LEKR1: variants seen among roughly 807,000 people sequenced by gnomAD.
LEKR1 encodes the protein protein LEKR1.
LEKR1 carries 59 observed loss-of-function variants against 72.4 expected under a neutral mutation model. The ratio of observed to expected loss-of-function variants is 0.82; its 90% CI spans 0.66 to 1.01. The LOEUF is 1.01. LEKR1 is among the 50% of genes least tolerant of loss of function. LEKR1 has a pLI of 0.00. For synonymous variants in LEKR1, 257 were observed against 263.2 expected (o/e 0.98, Z 0.23); for missense variants, 728 against 759.2 (o/e 0.96, Z 0.48).
chr3:156,899,183 A>G (rs1721512880), intron 3 of LEKR1, among the ~76,000 whole-genome samples: 2 of 151,284 alleles, frequency 1.3e-5, no homozygotes, highest in Non-Finnish European at 2.9e-5. Flanking sequence ...AATTATCAGT[A>G]CAAATTCAAA....
chr3:157,028,441 G>C (rs762424600), intron 12 of LEKR1, 39 bp downstream of exon 12: 1 of 1,495,620 alleles, frequency 6.7e-7, no homozygotes, highest in East Asian at 2.3e-5. Context: ...ATTAATCAAA[G>C]AGCACATGTT....
chr3:156,893,536 T>A (rs1190575518), intron 3 of LEKR1, among the ~76,000 whole-genome samples: 2 of 152,000 alleles, frequency 1.3e-5, no homozygotes, highest in Non-Finnish European at 2.9e-5. Context: ...CCCTCATGAC[T>A]GAGTTGATTC....
chr3:156,877,315 A>C (rs892434881), intron 3 of LEKR1, among the ~76,000 whole-genome samples: 1 of 152,012 alleles, frequency 6.6e-6, no homozygotes, highest in Non-Finnish European at 1.5e-5. Context: ...TGGTTTTGGA[A>C]TTACGGAGAT....
At chr3:156,830,206 G>T (rs1334227199) in intron 2 of LEKR1, among the ~76,000 whole-genome samples, 1 of 152,172 alleles carries the variant, frequency 6.6e-6, no homozygotes, top group Non-Finnish European at 1.5e-5. Flanking sequence ...CAGGCATTGT[G>T]ATTATCTCCT....
chr3:156,921,867 G>T (rs1471618116), intron 4 of LEKR1, among the ~76,000 whole-genome samples: 1 of 152,074 alleles, frequency 6.6e-6, no homozygotes, highest in African/African-American at 2.4e-5. Flanking sequence ...TTTCATTTTT[G>T]CATGTTATCT....
intron 2 of LEKR1, among the ~76,000 whole-genome samples, chr3:156,845,197 T>C (rs1218692401): frequency 6.6e-6 from 1 of 152,022 alleles, no homozygotes; most frequent in Non-Finnish European, 1.5e-5. Flanking sequence ...ATTAGACTTT[T>C]TTTTTCTGCT....
intron 5 of LEKR1, among the ~76,000 whole-genome samples, chr3:156,936,666 A>G (rs1725746824): frequency 6.6e-6 from 1 of 152,204 alleles, no homozygotes; most frequent in African/African-American, 2.4e-5. Context: ...AATCTACATA[A>G]TTAGACCAGA....
At position 157,028,337 on chromosome 3, in the gene LEKR1, G is replaced by A. The variant is rs1434832652; in HGVS notation, c.1603G>A (p.Glu535Lys). 1 of 1,613,180 alleles carries A rather than the reference G, an allele frequency of 6.2e-7. No homozygotes were observed. Among genetic ancestry groups the A allele is most frequent in the East Asian group, 2.2e-5 (1 of 44,764 alleles). ...GAAGGAAATGGAACAGAAGTCGGAT[G>A]AACTGAAAAGAGTAATGCTGGCTCA... is the stretch of plus-strand genomic sequence containing the variant. The part of the protein sequence containing the change: ...LRKEMEQKSD[E>K]LKRVMLAQTQ... The change falls in exon 12 of 13, where the codon GAA becomes AAA. Residue 535 changes from glutamate (E) to lysine (K), a missense_variant. Transcript: ENST00000356539.
intron 5 of LEKR1, among the ~76,000 whole-genome samples, chr3:156,940,039 C>A (rs1252741689): frequency 1.3e-5 from 2 of 152,114 alleles, no homozygotes; most frequent in African/African-American, 4.8e-5. Context: ...AAAATGCCTG[C>A]CTCTGAAATG....
chr3:156,882,648 C>G (rs918374401), intron 3 of LEKR1, among the ~76,000 whole-genome samples: 1 of 152,212 alleles, frequency 6.6e-6, no homozygotes, highest in African/African-American at 2.4e-5. Context: ...CATCCCATTA[C>G]TGGGTATATA....
intron 3 of LEKR1, among the ~76,000 whole-genome samples, chr3:156,866,658 G>C (rs759265527): frequency 6.6e-6 from 1 of 151,902 alleles, no homozygotes; most frequent in Non-Finnish European, 1.5e-5. Flanking sequence ...TAACTTATTT[G>C]GTACCTATTG....
intron 2 of LEKR1, among the ~76,000 whole-genome samples, chr3:156,835,961 C>T (rs1343626551): frequency 1.4e-5 from 2 of 144,054 alleles, no homozygotes; most frequent in East Asian, 2.1e-4. Context: ...GCAACCTTCG[C>T]CTCCTGGGTT....
intron 3 of LEKR1, among the ~76,000 whole-genome samples, chr3:156,900,171 T>C (rs1357617345): frequency 6.6e-6 from 1 of 152,118 alleles, no homozygotes; most frequent in Non-Finnish European, 1.5e-5. Flanking sequence ...TCCAGGAGAC[T>C]GGTTTTGTGG....
intron 12 of LEKR1, among the ~76,000 whole-genome samples, chr3:157,038,646 G>A (rs989463077): frequency 1.3e-5 from 2 of 152,162 alleles, no homozygotes; most frequent in Non-Finnish European, 2.9e-5. Context: ...AAAACCGGAA[G>A]AGAACACTAT....
At chr3:157,044,206 A>G (rs1735578874) in intron 12 of LEKR1, among the ~76,000 whole-genome samples, 1 of 152,198 alleles carries the variant, frequency 6.6e-6, no homozygotes, top group African/African-American at 2.4e-5. Context: ...TTTTGAGTTG[A>G]TGAATCCTAT....
At chr3:157,039,077 T>C (rs1735168742) in intron 12 of LEKR1, among the ~76,000 whole-genome samples, 1 of 152,146 alleles carries the variant, frequency 6.6e-6, no homozygotes, top group Admixed American at 6.5e-5. Flanking sequence ...CTCTTTTGTT[T>C]AAAAAACAAA....
intron 7 of LEKR1, among the ~76,000 whole-genome samples, chr3:156,986,104 C>T (rs1040315647): frequency 5.3e-5 from 8 of 152,146 alleles, no homozygotes; most frequent in South Asian, 2.1e-4. Flanking sequence ...AGAAGGAACA[C>T]GACCTGGTGA....
At chr3:156,978,359 A>G (rs907080487) in intron 6 of LEKR1, among the ~76,000 whole-genome samples, 3 of 152,262 alleles carry the variant, frequency 2.0e-5, no homozygotes, top group Non-Finnish European at 2.9e-5. Flanking sequence ...CAGATGGAAC[A>G]TAGAAATTTT....
At chr3:157,044,502 T>C (rs1186929333) in intron 12 of LEKR1, among the ~76,000 whole-genome samples, 2 of 152,232 alleles carry the variant, frequency 1.3e-5, no homozygotes, top group African/African-American at 4.8e-5. Flanking sequence ...CCCTGTCAAG[T>C]GAGATTCAAC....
Sources: allele counts gnomAD v4.1 joint callset (sites outside exome capture counted in the v4.1 genomes callset), GRCh38; gene constraint gnomAD v4.1.1; transcripts MANE v1.5; gene names NCBI Gene and HGNC (gene_info 2026-07-23, HGNC 2026-07-21).